The following EPN2 variants were observed in gnomAD, a reference collection of about 807,000 sequenced individuals.
EPN2 encodes the protein epsin-2.
Under a neutral mutation model 61.7 loss-of-function variants are expected in EPN2, and 34 were observed. That is an observed-to-expected ratio of 0.55 (90% CI 0.42 to 0.73). EPN2 has a LOEUF of 0.73. Among genes scored for constraint, EPN2 ranks in the 30% least tolerant of loss-of-function variants. The pLI, the probability that EPN2 is intolerant of heterozygous loss-of-function variation, is 0.00. For missense variants in EPN2, 714 were observed against 839.2 expected (o/e 0.85, Z 1.84); for synonymous variants, 349 against 353.6 (o/e 0.99, Z 0.15).
chr17:19,294,090 TAA>T (rs35150015), intron 4 of EPN2, among the ~76,000 whole-genome samples: 19 of 139,234 alleles, frequency 1.4e-4, no homozygotes, highest in Non-Finnish European at 1.9e-4. Flanking sequence ...ACTCTGTCTT[TAA>T]AAAAAAAAAA....
chr17:19,281,266 A>G (rs2045356115), intron 1 of EPN2, among the ~76,000 whole-genome samples: 1 of 152,208 alleles, frequency 6.6e-6, no homozygotes, highest in South Asian at 2.1e-4. Flanking sequence ...TCTGGTAACC[A>G]GCCCCATCCT....
chr17:19,292,496 C>CAGCAG (rs1308432724), intron 4 of EPN2, among the ~76,000 whole-genome samples: 1 of 152,216 alleles, frequency 6.6e-6, no homozygotes, highest in Non-Finnish European at 1.5e-5. Context: ...GGCAGAGGCA[C>CAGCAG]AGCAGGGCTG....
At position 19,285,632 on chromosome 17, in the gene EPN2, C is replaced by T. The variant is rs774479531; in HGVS notation, c.608C>T (p.Ser203Leu). 1.3e-5 allele frequency: 20 copies of T among 1,551,146 alleles called. No homozygotes were observed. Among genetic ancestry groups the T allele is most frequent in the Admixed American group, 5.8e-5 (3 of 51,284 alleles). ...PASYHGSPEASLCPQHRTGAP... is the reference protein window; with the variant it reads ...PASYHGSPEALLCPQHRTGAP... ...CCCTGCCCCACAGCGCCTGAGGCCT[C>T]GCTGTGCCCCCAGCACCGCACAGGG... The change falls in exon 4 of 11, where the codon TCG becomes TTG. Residue 203 changes from serine (S) to leucine (L), a missense_variant. Ser to Leu is a moderately radical substitution (Grantham distance 145). Coordinates refer to ENST00000314728, the MANE Select transcript of EPN2 (RefSeq NM_014964.5). The surrounding 1 kb of genome is among the most constrained non-coding windows in gnomAD (Gnocchi z 4.5).
chr17:19,289,444 G>A (rs2045438612), intron 4 of EPN2, among the ~76,000 whole-genome samples: 1 of 152,102 alleles, frequency 6.6e-6, no homozygotes, highest in African/African-American at 2.4e-5. Context: ...GGCAGAGTGA[G>A]AGGGGAGCTG....
At chr17:19,327,460 C>T (rs148979852) in intron 7 of EPN2, among the ~76,000 whole-genome samples, 35 of 152,044 alleles carry the variant, frequency 2.3e-4, no homozygotes, top group African/African-American at 8.0e-4. Flanking sequence ...TTGCTTGAGC[C>T]CAGGAGTTTG....
chr17:19,321,035 T>C (rs1906614538), intron 7 of EPN2, among the ~76,000 whole-genome samples: 1 of 152,178 alleles, frequency 6.6e-6, no homozygotes, highest in African/African-American at 2.4e-5. Context: ...GGGGGACAGA[T>C]GCAGTCTCAC....
At chr17:19,332,250 T>C (rs577815030) in intron 10 of EPN2, among the ~76,000 whole-genome samples, 182 bp downstream of exon 10, 1 of 151,966 alleles carries the variant, frequency 6.6e-6, no homozygotes, top group South Asian at 2.1e-4. Context: ...CCGTTGTCAG[T>C]TATGTGGGGA....
intron 5 of EPN2, among the ~76,000 whole-genome samples, chr17:19,311,176 A>G (rs899568753): frequency 1.3e-5 from 2 of 152,204 alleles, no homozygotes; most frequent in South Asian, 2.1e-4. Flanking sequence ...ACAGTGGGCA[A>G]TCTCAGTTGT....
chr17:19,239,729 T>C (rs1325054507), intron 1 of EPN2, among the ~76,000 whole-genome samples: 1 of 152,252 alleles, frequency 6.6e-6, no homozygotes, highest in Non-Finnish European at 1.5e-5. Context: ...TTTGCCTCTC[T>C]GAAGCCTGAG....
intron 1 of EPN2, among the ~76,000 whole-genome samples, chr17:19,266,559 C>T (rs1387252178): frequency 1.3e-5 from 2 of 151,992 alleles, no homozygotes; most frequent in Admixed American, 1.3e-4. Flanking sequence ...CCCGCTACCA[C>T]GCCTGGCTAA....
intron 1 of EPN2, among the ~76,000 whole-genome samples, chr17:19,242,974 A>G (rs1440037770): frequency 1.3e-5 from 2 of 152,220 alleles, no homozygotes; most frequent in Non-Finnish European, 2.9e-5. Flanking sequence ...GCCATGTGGC[A>G]GATAGCTTTG....
intron 1 of EPN2, among the ~76,000 whole-genome samples, chr17:19,281,564 C>T (rs2045359079): frequency 6.6e-6 from 1 of 152,150 alleles, no homozygotes; most frequent in African/African-American, 2.4e-5. Flanking sequence ...GTAGGAGCTA[C>T]CTGTTGTTTC....
intron 1 of EPN2, among the ~76,000 whole-genome samples, chr17:19,269,233 G>A (rs2045230900): frequency 6.6e-6 from 1 of 152,210 alleles, no homozygotes; most frequent in South Asian, 2.1e-4. Context: ...AGTTGGGAAG[G>A]AACATTTCCT....
rs1183024196 is a variant in EPN2 at position 19,336,037 on chromosome 17, G to A, written c.*1783G>A. On this transcript the variant is annotated 3_prime_UTR_variant, in exon 11 of 11. Transcript: ENST00000314728. ...AAGATTACCCTTCGCACCGGCACAG[G>A]AGAGATCTTAAATGGTCTCTGGGCT... 6.6e-6 allele frequency: 1 copy of A among 152,406 alleles called. No homozygotes were observed. The highest frequency in any genetic ancestry group is 1.5e-5 in the Non-Finnish European group (1 of 68,232). The allele number at this position is 152,406 out of a possible 1,614,324, so 9.4% of individuals were successfully genotyped here.
At chr17:19,312,834 A>C in intron 6 of EPN2, 1 of 414,820 alleles carries the variant, frequency 2.4e-6, no homozygotes, top group Non-Finnish European at 4.3e-6. Flanking sequence ...CCTGGGCAGA[A>C]GCCAGTGTTA....
At chr17:19,263,993 A>G (rs994711560) in intron 1 of EPN2, among the ~76,000 whole-genome samples, 6 of 152,180 alleles carry the variant, frequency 3.9e-5, no homozygotes, top group African/African-American at 9.7e-5. Context: ...TCTCGGCACA[A>G]GTTTCTAAAG....
In EPN2 at chr17:19,283,141, C is replaced by T. The variant is rs374635128; in HGVS notation, c.22C>T (p.Arg8Trp). MTTSSIR[R>W]QMKNIVNNYS... ...AAAAATGACGACTTCGTCTATCAGA[C>T]GGCAGATGAAAAACATCGTGAACAA... Residue 8 changes from arginine (R) to tryptophan (W), a missense_variant, in exon 3 of 11, where the codon CGG (arginine) becomes TGG (tryptophan). By Grantham distance (101) the Arg-to-Trp change is moderately radical. This residue lies in a region of EPN2 where 304 missense variants were observed against 417.4 expected (regional missense o/e 0.73). Coordinates refer to ENST00000314728, the MANE Select transcript of EPN2 (RefSeq NM_014964.5). The surrounding 1 kb of genome is among the most constrained non-coding windows in gnomAD (Gnocchi z 7.0). The T allele has an allele frequency of 2.5e-6, 4 of 1,610,806 alleles. No homozygotes were observed. The highest frequency in any genetic ancestry group is 1.3e-5 in the African/African-American group (1 of 74,710).
chr17:19,241,906 A>G (rs2044888328), intron 1 of EPN2, among the ~76,000 whole-genome samples: 1 of 152,184 alleles, frequency 6.6e-6, no homozygotes, highest in South Asian at 2.1e-4. Flanking sequence ...CTTCTGCTCC[A>G]CTGGCCCCTG....
chr17:19,322,423 G>A (rs1422956953), intron 7 of EPN2, among the ~76,000 whole-genome samples: 5 of 152,084 alleles, frequency 3.3e-5, no homozygotes, highest in African/African-American at 1.2e-4. Context: ...AGCTGATCCC[G>A]GCCAAAAGTG....
Sources: gnomAD v4.1 joint callset for allele counts (sites outside exome capture counted in the v4.1 genomes callset) on GRCh38, gnomAD v4.1.1 for gene constraint, gnomAD v4.1.1 regional missense constraint, Gnocchi (gnomAD v3.1) non-coding constraint, MANE v1.5 for transcripts, NCBI Gene and HGNC (gene_info 2026-07-23, HGNC 2026-07-21) for gene names.